HHIPL2: variants seen among roughly 807,000 people sequenced by gnomAD.
The protein encoded by HHIPL2 is HHIP like 2.
In HHIPL2, 61 loss-of-function variants were observed where a neutral mutation model predicts 61.0. That is an observed-to-expected ratio of 1.00 (90% CI 0.81 to 1.24). HHIPL2 has a LOEUF of 1.24. HHIPL2 is among the 50% of genes most tolerant of loss of function. The pLI, the probability that HHIPL2 is intolerant of heterozygous loss-of-function variation, is 0.00. For missense variants in HHIPL2, 885 were observed against 910.2 expected, an observed-to-expected ratio of 0.97 and a Z score of 0.36; for synonymous variants, 343 against 357.4, an observed-to-expected ratio of 0.96 and a Z score of 0.45.
Position 222,530,229 on chromosome 1 carries a change from C to T in HHIPL2, c.1723+1737G>A, listed in dbSNP as rs183308779. On this transcript the variant is annotated intron_variant, in intron 6 of 8. Coordinates refer to ENST00000343410, the MANE Select transcript of HHIPL2 (RefSeq NM_024746.4). The stretch of plus-strand genomic sequence containing the variant: ...CTGCAAGCACAACAAACCAAGCCAC[C>T]AAAGCCAGGTTCTCTGTGGCCTCCT... 7.9e-5 allele frequency among the ~76,000 whole-genome samples: 12 copies of T among 152,138 alleles called. No individual in the cohort carries two copies. The East Asian group carries it at 2.3e-3, about 29-fold the overall frequency.
Position 222,547,957 on chromosome 1 carries a change from TGAGGCA to T in HHIPL2, c.82_87del (p.Cys28_Leu29del), listed in dbSNP as rs771827219. 15 of 1,612,554 alleles carry T rather than the reference TGAGGCA, an allele frequency of 9.3e-6. 1 individual carries two copies. In the South Asian group the frequency reaches 1.4e-4, roughly 15 times the overall value. On this transcript the variant is annotated inframe_deletion, in exon 1 of 9. Transcript: ENST00000343410. ...AAGCCCACCTGGCCCAACAAGAATA[TGAGGCA>T]GAGGCAGAGAATGCCAGAAGAGAGC... is the stretch of plus-strand genomic sequence containing the variant.
intron 7 of HHIPL2, chr1:222,525,268 A>G (rs1176794738): frequency 1.3e-5 from 2 of 152,170 alleles, no homozygotes; most frequent in Non-Finnish European, 2.9e-5. Context: ...TGTTAATGGA[A>G]AGAGAACTCC....
intron 3 of HHIPL2, among the ~76,000 whole-genome samples, chr1:222,540,742 G>T (rs918806985): frequency 2.0e-5 from 3 of 152,192 alleles, no homozygotes; most frequent in African/African-American, 7.2e-5. Flanking sequence ...TAACAACGTG[G>T]TCAGTTAAAA....
intron 3 of HHIPL2, among the ~76,000 whole-genome samples, chr1:222,540,885 C>T (rs757731465): frequency 6.8e-4 from 104 of 152,166 alleles, no homozygotes; most frequent in Non-Finnish European, 1.2e-3. Context: ...AGAAATTTCA[C>T]GCTCAAGTAA....
chr1:222,548,006 C>T lies in HHIPL2; in HGVS notation c.39G>A (p.Leu13=). 1 of 1,599,048 alleles carries T rather than the reference C, an allele frequency of 6.3e-7. No individual in the cohort carries two copies. Among genetic ancestry groups the T allele is most frequent in the Non-Finnish European group, 8.5e-7 (1 of 1,171,686 alleles). ...RTSTPNLCGG[L]HCRAPWLSSG... The stretch of plus-strand genomic sequence containing the variant: ...AAGAGAGCCAGGGGGCCCGGCAATG[C>T]AGACCACCACACAGATTAGGAGTGG... Residue 13 remains leucine (L), a synonymous_variant, in exon 1 of 9, where the codon CTG becomes CTA. Coordinates refer to ENST00000343410, the MANE Select transcript of HHIPL2 (RefSeq NM_024746.4).
chr1:222,528,055 A>C (rs1659107238), intron 6 of HHIPL2, among the ~76,000 whole-genome samples: 1 of 152,138 alleles, frequency 6.6e-6, no homozygotes, highest in African/African-American at 2.4e-5. Flanking sequence ...CCCAGTTGTA[A>C]CTCAGGGAAA....
In HHIPL2 at chr1:222,527,032, G is replaced by A. The variant is rs201770026; in HGVS notation, c.1742C>T (p.Ala581Val). The change falls in exon 7 of 9, where the codon GCG becomes GTG. Residue 581 changes from alanine (A) to valine (V), a missense_variant. By Grantham distance (64) the Ala-to-Val change is moderately conservative (BLOSUM62 0). Transcript: ENST00000343410. ...TGCATAGGCACTTGGGTAAGAGGTC[G>A]CCAGGAAATACAGCTCCCCTAAGGC... ...EDEAGELYFL[A>V]TSYPSAYAPR... The A allele has an allele frequency of 3.2e-4, 519 of 1,613,162 alleles. 2 individuals carry two copies. The highest frequency in any genetic ancestry group is 1.5e-3 in the Middle Eastern group (9 of 6,060).
At chr1:222,531,732 T>C (rs561194248) in intron 6 of HHIPL2, among the ~76,000 whole-genome samples, 132 of 151,812 alleles carry the variant, frequency 8.7e-4, no homozygotes, top group African/African-American at 3.0e-3. Flanking sequence ...AGACTCTGTC[T>C]CAAAAAAAAG....
At chr1:222,526,890 G>T in intron 7 of HHIPL2, 79 bp downstream of exon 7, 1 of 1,163,802 alleles carries the variant, frequency 8.6e-7, no homozygotes. Context: ...TCGGGACAAT[G>T]AGGACTGTTT....
At chr1:222,542,807 GCCA>G (rs1434737466) in intron 2 of HHIPL2, among the ~76,000 whole-genome samples, 4 of 152,074 alleles carry the variant, frequency 2.6e-5, no homozygotes, top group Non-Finnish European at 5.9e-5. Context: ...ACAGGCATGA[GCCA>G]CCATGCCTGG....
intron 7 of HHIPL2, among the ~76,000 whole-genome samples, chr1:222,524,758 G>T (rs1659024599): frequency 6.6e-6 from 1 of 152,218 alleles, no homozygotes; most frequent in Non-Finnish European, 1.5e-5. Flanking sequence ...TGCATTTCGT[G>T]CAAAGACAAG....
At chr1:222,536,172 T>A (rs529643930) in intron 5 of HHIPL2, among the ~76,000 whole-genome samples, 173 of 150,494 alleles carry the variant, frequency 1.1e-3, no homozygotes, top group African/African-American at 2.8e-3. Context: ...AAAAAAACAT[T>A]AAAATAACAG....
intron 8 of HHIPL2, 77 bp from the exon 9 acceptor site, chr1:222,522,964 T>C (rs1658986510): frequency 1.7e-6 from 2 of 1,174,842 alleles, no homozygotes; most frequent in Non-Finnish European, 2.4e-6. Context: ...AACTGCATTA[T>C]AGTTCTTTAA....
rs187799713 is a variant in HHIPL2, at chr1:222,535,173, G to A, written c.1578-3062C>T. Among the ~76,000 whole-genome samples the A allele has an allele frequency of 4.4e-4, 67 of 152,230 alleles. 1 individual carries two copies. The highest frequency in any genetic ancestry group is 1.5e-3 in the African/African-American group (63 of 41,546). ...ATGGTGCAAGCCAGAAAATAGTGGC[G>A]CAGCCTCTAAAGAATCAAAGAAAAA... On this transcript the variant is annotated intron_variant, in intron 5 of 8. Transcript: ENST00000343410.
chr1:222,544,235 C>T lies in HHIPL2; in HGVS notation c.322-46G>A, dbSNP rs1659509177. On this transcript the variant is annotated intron_variant, in intron 1 of 8. Coordinates refer to ENST00000343410, the MANE Select transcript of HHIPL2 (RefSeq NM_024746.4). ...CAGGCTCAGCATCAGACCTGCCACA[C>T]CGGCACTTGTCTCAAGTTTTGAGCA... The T allele has an allele frequency of 2.6e-6, 4 of 1,554,276 alleles. No homozygotes were observed. In the Admixed American group the frequency reaches 5.6e-5, roughly 22 times the overall value.
Position 222,522,628 on chromosome 1 carries a change from C to T in HHIPL2, c.2148G>A (p.Gln716=), listed in dbSNP as rs760096344. The part of the protein sequence containing the change: ...HSGRMRPSAE[Q]KRAGRSLP Reference sequence around the variant, plus strand: ...AAGGGAGACTTCTGCCAGCTCGCTTCTGCTCTGCTGATGGCCTCATCCTGC... The same window carrying T: ...AAGGGAGACTTCTGCCAGCTCGCTTTTGCTCTGCTGATGGCCTCATCCTGC... The change falls in exon 9 of 9, where the codon CAG becomes CAA. Residue 716 remains glutamine (Q), a synonymous_variant. Coordinates refer to ENST00000343410, the MANE Select transcript of HHIPL2 (RefSeq NM_024746.4). 5.0e-6 allele frequency: 8 copies of T among 1,613,918 alleles called. No individual in the cohort carries two copies. The Admixed American group carries it at 1.3e-4, about 27-fold the overall frequency.
At chr1:222,525,071 A>G (rs1452584899) in intron 7 of HHIPL2, 6 of 152,116 alleles carry the variant, frequency 3.9e-5, no homozygotes, top group African/African-American at 1.4e-4. Flanking sequence ...ACACAGGAGT[A>G]ACTCCATAAA....
intron 3 of HHIPL2, among the ~76,000 whole-genome samples, 160 bp downstream of exon 3, chr1:222,541,852 C>T (rs1659438781): frequency 1.3e-5 from 2 of 152,120 alleles, no homozygotes. Flanking sequence ...TATACTATGT[C>T]TGAAATTTAT....
intron 7 of HHIPL2, among the ~76,000 whole-genome samples, chr1:222,526,291 C>A (rs1308640769): frequency 1.3e-5 from 2 of 152,008 alleles, no homozygotes; most frequent in Non-Finnish European, 2.9e-5. Flanking sequence ...AACGTATTTG[C>A]CAAAGACCTG....
Sources: allele counts gnomAD v4.1 joint callset (sites outside exome capture counted in the v4.1 genomes callset), GRCh38; gene constraint gnomAD v4.1.1; transcripts MANE v1.5; gene names NCBI Gene and HGNC (gene_info 2026-07-23, HGNC 2026-07-21).